EPHA6: variants seen among roughly 807,000 people sequenced by gnomAD.
EPHA6 encodes the protein EPH receptor A6.
A neutral mutation model predicts 112.0 loss-of-function variants in EPHA6; 50 were observed. That is an observed-to-expected ratio of 0.45 (90% confidence interval 0.36 to 0.56). The LOEUF (loss-of-function observed/expected upper bound fraction) is 0.56, where lower values mean the gene tolerates loss of function less well. Ranked by LOEUF, EPHA6 falls within the 20% of genes least tolerant of loss-of-function variation. The pLI, the probability that EPHA6 is intolerant of heterozygous loss-of-function variation, is 0.00. For missense variants in EPHA6, 1,280 were observed against 1,417.4 expected, an observed-to-expected ratio of 0.90 and a Z score of 1.56; for synonymous variants, 529 against 490.7, an observed-to-expected ratio of 1.08 and a Z score of -1.03.
chr3:97,449,053 C>T lies in EPHA6; in HGVS notation c.1894+323C>T, dbSNP rs151135017. ...ATGAAAACTTGGGAGAGAATAAAGC[C>T]GTGAACAAATGGTTTAAGCAATTCA... On this transcript the variant is annotated intron_variant, in intron 7 of 17. Coordinates refer to ENST00000389672, the MANE Select transcript of EPHA6 (RefSeq NM_001080448.3). Among the ~76,000 whole-genome samples the T allele has an allele frequency of 1.4e-4, 22 of 152,142 alleles. No individual in the cohort carries two copies. In the East Asian group the frequency reaches 3.5e-3, roughly 24 times the overall value.
intron 5 of EPHA6, among the ~76,000 whole-genome samples, chr3:97,350,518 A>G (rs577882241): frequency 1.3e-5 from 2 of 152,184 alleles, no homozygotes; most frequent in Non-Finnish European, 2.9e-5. Context: ...AATTAAAACT[A>G]TTTATTTTAA....
At chr3:97,178,294 G>A (rs917553808) in intron 3 of EPHA6, among the ~76,000 whole-genome samples, 23 of 151,782 alleles carry the variant, frequency 1.5e-4, no homozygotes, top group East Asian at 5.8e-4. Flanking sequence ...TATATCTTAC[G>A]GTATTCACTA....
intron 10 of EPHA6, among the ~76,000 whole-genome samples, chr3:97,507,494 T>A (rs1053920621): frequency 1.3e-5 from 2 of 152,206 alleles, no homozygotes; most frequent in African/African-American, 4.8e-5. Context: ...TAAACCAGCC[T>A]TGCATCCCAG....
At chr3:97,515,778 A>G (rs1212780659) in intron 10 of EPHA6, among the ~76,000 whole-genome samples, 2 of 152,206 alleles carry the variant, frequency 1.3e-5, no homozygotes, top group Admixed American at 6.5e-5. Flanking sequence ...CCTTGAGGAC[A>G]GTGCTATATT....
intron 2 of EPHA6, among the ~76,000 whole-genome samples, chr3:96,892,091 C>A (rs2037996023): frequency 1.3e-5 from 2 of 152,190 alleles, no homozygotes; most frequent in Non-Finnish European, 2.9e-5. Flanking sequence ...AGGCTTTGGT[C>A]AGTTTCATGT....
chr3:96,873,978 G>GT (rs1386460978), intron 2 of EPHA6, among the ~76,000 whole-genome samples: 5 of 152,096 alleles, frequency 3.3e-5, no homozygotes, highest in African/African-American at 1.2e-4. Context: ...CCTGAGAAGA[G>GT]TTTCAGAACC....
intron 3 of EPHA6, among the ~76,000 whole-genome samples, chr3:97,192,393 A>G (rs1304195201): frequency 1.3e-5 from 2 of 152,150 alleles, no homozygotes; most frequent in Non-Finnish European, 2.9e-5. Flanking sequence ...TCGGCCTGCA[A>G]AGTGCTAGGA....
intron 3 of EPHA6, among the ~76,000 whole-genome samples, chr3:97,041,319 A>G (rs1376132844): frequency 6.6e-6 from 1 of 152,036 alleles, no homozygotes; most frequent in Non-Finnish European, 1.5e-5. Context: ...TGGTTTTGCC[A>G]GTCCTTGTCC....
chr3:97,249,902 CAATT>C (rs1420035134), intron 5 of EPHA6, among the ~76,000 whole-genome samples: 1 of 152,088 alleles, frequency 6.6e-6, no homozygotes, highest in Non-Finnish European at 1.5e-5. Flanking sequence ...AAGAGAAAAA[CAATT>C]AACACTGTTC....
In EPHA6 at chr3:97,546,247, T is replaced by TA. The variant is rs766644781; in HGVS notation, c.2386+13705dup. Among the ~76,000 whole-genome samples the TA allele has an allele frequency of 7.2e-5, 11 of 152,358 alleles. No homozygotes were observed. The South Asian group carries it at 2.3e-3, about 32-fold the overall frequency. ...TTAGTGCTTCCTTCGGGAGCTCTTT[T>TA]AGGGCAGGCCTGGTGGTGACAAAAT... On this transcript the variant is annotated intron_variant, in intron 11 of 17. Coordinates refer to ENST00000389672, the MANE Select transcript of EPHA6 (RefSeq NM_001080448.3).
intron 3 of EPHA6, among the ~76,000 whole-genome samples, chr3:97,123,466 G>A (rs938515750): frequency 1.3e-5 from 2 of 152,058 alleles, no homozygotes; most frequent in Non-Finnish European, 2.9e-5. Flanking sequence ...GGGAATTTAA[G>A]CCAATAAGCT....
At chr3:97,129,387 A>G (rs1040188907) in intron 3 of EPHA6, among the ~76,000 whole-genome samples, 32 of 152,026 alleles carry the variant, frequency 2.1e-4, no homozygotes, top group Admixed American at 4.6e-4. Flanking sequence ...CTGTAGTCCC[A>G]GCTACTCAGG....
intron 15 of EPHA6, among the ~76,000 whole-genome samples, chr3:97,721,403 G>C (rs1274321952): frequency 2.6e-5 from 4 of 152,182 alleles, no homozygotes; most frequent in Non-Finnish European, 1.5e-5. Context: ...GCATAGATAA[G>C]ATTGGATTTT....
At chr3:97,613,344 G>A (rs1176970883) in intron 13 of EPHA6, among the ~76,000 whole-genome samples, 1 of 152,176 alleles carries the variant, frequency 6.6e-6, no homozygotes, top group Non-Finnish European at 1.5e-5. Flanking sequence ...AAGTGGCTAA[G>A]TGCACTGTGT....
chr3:96,995,818 G>A (rs184462213), intron 3 of EPHA6, among the ~76,000 whole-genome samples: 55 of 152,228 alleles, frequency 3.6e-4, no homozygotes, highest in Admixed American at 1.5e-3. Flanking sequence ...TTTTGCTGGT[G>A]GAGAATCTTG....
At chr3:97,570,459 C>T (rs988419797) in intron 11 of EPHA6, among the ~76,000 whole-genome samples, 6 of 152,112 alleles carry the variant, frequency 3.9e-5, no homozygotes, top group East Asian at 1.9e-4. Flanking sequence ...GGGCTGGGCG[C>T]GGTGGCTCAC....
chr3:97,460,922 C>T (rs747044949), intron 7 of EPHA6, among the ~76,000 whole-genome samples: 2 of 152,092 alleles, frequency 1.3e-5, no homozygotes, highest in Non-Finnish European at 2.9e-5. Flanking sequence ...GAATCTGTGT[C>T]CCAGTAAACC....
chr3:97,300,954 T>C (rs1484010458), intron 5 of EPHA6, among the ~76,000 whole-genome samples: 1 of 152,116 alleles, frequency 6.6e-6, no homozygotes. Flanking sequence ...TCCCTCTCAT[T>C]AAGCTGCACA....
chr3:97,202,969 G>A (rs935247201), intron 3 of EPHA6, among the ~76,000 whole-genome samples: 2 of 152,072 alleles, frequency 1.3e-5, no homozygotes, highest in African/African-American at 4.8e-5. Flanking sequence ...GAAAGAGCAA[G>A]AACACCAGTG....
Sources: allele counts gnomAD v4.1 joint callset (sites outside exome capture counted in the v4.1 genomes callset), GRCh38; gene constraint gnomAD v4.1.1; transcripts MANE v1.5; gene names NCBI Gene and HGNC (gene_info 2026-07-23, HGNC 2026-07-21).